CDK14: variants seen among roughly 807,000 people sequenced by gnomAD.
The protein encoded by CDK14 is cyclin dependent kinase 14, also known as cyclin-dependent kinase 14.
A neutral mutation model predicts 60.7 loss-of-function variants in CDK14; 34 were observed. That is an observed-to-expected ratio of 0.56 (90% CI 0.43 to 0.75). The LOEUF (loss-of-function observed/expected upper bound fraction) is 0.75. Among genes scored for constraint, CDK14 ranks in the 30% least tolerant of loss-of-function variants. The probability of loss-of-function intolerance (pLI) is 0.00; values close to 1 mark genes in which losing one functional copy is unlikely to be tolerated. For missense variants in CDK14, 482 were observed against 564.1 expected (o/e 0.85, Z 1.47); for synonymous variants, 197 against 203.7 (o/e 0.97, Z 0.28).
chr7:90,904,361 G>A (rs1447200321), intron 7 of CDK14, among the ~76,000 whole-genome samples: 1 of 151,924 alleles, frequency 6.6e-6, no homozygotes, highest in South Asian at 2.1e-4. Context: ...GGTAGAGAAG[G>A]AAACTTTAAA....
rs567367722 is a variant in CDK14 at position 90,989,774 on chromosome 7, T to A, written c.1041+5533T>A. ...CCACCTTTTCAAATTGGACAGTAGTTTCTGCATCTGTAAAGGAGGAAGTTA... is the reference window on the plus strand; with the variant it reads ...CCACCTTTTCAAATTGGACAGTAGTATCTGCATCTGTAAAGGAGGAAGTTA... On this transcript the variant is annotated intron_variant, in intron 10 of 14. Transcript: ENST00000380050. 1.6e-4 allele frequency among the ~76,000 whole-genome samples: 25 copies of A among 152,292 alleles called. No individual in the cohort carries two copies. In the South Asian group the frequency reaches 5.0e-3, roughly 30 times the overall value.
At chr7:91,199,070 G>T (rs1802637405) in intron 14 of CDK14, among the ~76,000 whole-genome samples, 1 of 152,052 alleles carries the variant, frequency 6.6e-6, no homozygotes, top group African/African-American at 2.4e-5. Context: ...ATATAAGGAG[G>T]GTTAAGGGTC....
At chr7:90,879,804 G>A (rs1477294771) in intron 6 of CDK14, among the ~76,000 whole-genome samples, 4 of 149,266 alleles carry the variant, frequency 2.7e-5, no homozygotes, top group Admixed American at 1.3e-4. Flanking sequence ...ACTAGAAGGC[G>A]GGCATTACCC....
At chr7:90,984,050 C>T (rs1023008468) in intron 9 of CDK14, 98 bp from the exon 10 acceptor site, 34 of 785,022 alleles carry the variant, frequency 4.3e-5, no homozygotes, top group Middle Eastern at 2.4e-4. Context: ...GTTTACTCAC[C>T]GCTTCTCTTC....
intron 9 of CDK14, among the ~76,000 whole-genome samples, chr7:90,982,649 T>A (rs1293092874): frequency 6.6e-6 from 1 of 152,210 alleles, no homozygotes; most frequent in African/African-American, 2.4e-5. Flanking sequence ...AGGACTCTTA[T>A]ACATCAGGCT....
intron 6 of CDK14, among the ~76,000 whole-genome samples, chr7:90,882,089 C>G (rs912301418): frequency 1.3e-5 from 2 of 152,008 alleles, no homozygotes; most frequent in African/African-American, 4.8e-5. Flanking sequence ...TATACCAATA[C>G]TAACCTTAAA....
chr7:90,799,711 A>G (rs1788564943), intron 5 of CDK14, among the ~76,000 whole-genome samples: 1 of 150,902 alleles, frequency 6.6e-6, no homozygotes, highest in South Asian at 2.1e-4. Flanking sequence ...AAAAAAAAAA[A>G]AAAAAAGCTG....
At chr7:90,979,016 C>CTGA (rs1209269982) in intron 9 of CDK14, among the ~76,000 whole-genome samples, 1 of 151,946 alleles carries the variant, frequency 6.6e-6, no homozygotes, top group African/African-American at 2.4e-5. Flanking sequence ...TGTAAAGGGC[C>CTGA]TGATGGTAAA....
intron 12 of CDK14, among the ~76,000 whole-genome samples, chr7:91,085,210 T>C (rs1261629277): frequency 2.0e-5 from 3 of 152,204 alleles, no homozygotes; most frequent in East Asian, 3.8e-4. Flanking sequence ...AAAATCAAGA[T>C]GTTGACCAAC....
At chr7:90,627,281 C>T (rs181701778) in intron 2 of CDK14, among the ~76,000 whole-genome samples, 1 of 152,000 alleles carries the variant, frequency 6.6e-6, no homozygotes, top group Admixed American at 6.6e-5. Flanking sequence ...GCAATCATGG[C>T]TCACTGTAGT....
chr7:90,881,242 G>A (rs1791742427), intron 6 of CDK14, among the ~76,000 whole-genome samples: 1 of 151,844 alleles, frequency 6.6e-6, no homozygotes, highest in Non-Finnish European at 1.5e-5. Context: ...GTTTAGGGAG[G>A]AACATAAACG....
chr7:91,147,396 T>A (rs571649434), intron 14 of CDK14, among the ~76,000 whole-genome samples: 2 of 152,252 alleles, frequency 1.3e-5, no homozygotes, highest in South Asian at 4.1e-4. Context: ...AAATGTTGGT[T>A]TGACTCATTA....
chr7:90,969,162 A>C (rs1182483670), intron 9 of CDK14, among the ~76,000 whole-genome samples: 1 of 152,200 alleles, frequency 6.6e-6, no homozygotes, highest in African/African-American at 2.4e-5. Context: ...TTTTGCCTTT[A>C]GGTCTTGCAT....
In CDK14 at chr7:90,726,572, T is replaced by C. The variant is rs748667177; in HGVS notation, c.129T>C (p.Cys43=). Residue 43 remains cysteine, a synonymous_variant, in exon 3 of 15, where the codon TGT becomes TGC. Coordinates refer to ENST00000380050, the MANE Select transcript of CDK14 (RefSeq NM_001287135.2). ...TTAATTTCTTCTTTTCTCAGATATGTGTCACAAAGATGTCTACACGGAACT... is the reference window on the plus strand; with the variant it reads ...TTAATTTCTTCTTTTCTCAGATATGCGTCACAAAGATGTCTACACGGAACT... The part of the protein sequence containing the change: ...KKDDTTFDEI[C]VTKMSTRNCQ... 4 of 1,613,096 alleles carry C rather than the reference T, an allele frequency of 2.5e-6. No homozygotes were observed. In the Admixed American group the frequency reaches 5.0e-5, roughly 20 times the overall value.
At chr7:91,134,885 AT>A (rs2115566969) in intron 14 of CDK14, among the ~76,000 whole-genome samples, 1 of 151,852 alleles carries the variant, frequency 6.6e-6, no homozygotes, top group African/African-American at 2.4e-5. Context: ...TCAAAAAAAA[AT>A]AATAATAATT....
intron 11 of CDK14, among the ~76,000 whole-genome samples, chr7:91,053,644 A>G (rs1391405060): frequency 6.6e-6 from 1 of 152,246 alleles, no homozygotes; most frequent in African/African-American, 2.4e-5. Flanking sequence ...AACACATACT[A>G]TCGGAACTGC....
intron 14 of CDK14, among the ~76,000 whole-genome samples, chr7:91,169,212 A>G (rs1801439219): frequency 6.6e-6 from 1 of 152,204 alleles, no homozygotes; most frequent in African/African-American, 2.4e-5. Context: ...TTTGATAGAC[A>G]CCGAGTGACC....
intron 4 of CDK14, among the ~76,000 whole-genome samples, chr7:90,789,344 G>T (rs866645344): frequency 1.3e-5 from 2 of 152,038 alleles, no homozygotes; most frequent in South Asian, 2.1e-4. Flanking sequence ...ATTTGTGTAT[G>T]TGTGTATATT....
chr7:91,092,316 G>T (rs1798855093), intron 12 of CDK14, among the ~76,000 whole-genome samples: 1 of 152,166 alleles, frequency 6.6e-6, no homozygotes, highest in South Asian at 2.1e-4. Context: ...TGTGCCCCCA[G>T]ATCTACAACC....
Sources: allele counts gnomAD v4.1 joint callset (sites outside exome capture counted in the v4.1 genomes callset), GRCh38; gene constraint gnomAD v4.1.1; transcripts MANE v1.5; gene names NCBI Gene and HGNC (gene_info 2026-07-23, HGNC 2026-07-21).